Variants in DNAH17 observed in about 807,000 individuals in gnomAD.
DNAH17 encodes axonemal beta dynein heavy chain 17.
DNAH17 carries 376 observed loss-of-function variants against 485.6 expected under a neutral mutation model. The observed-to-expected ratio is 0.77, with a 90% confidence interval of 0.71 to 0.84. The LOEUF (loss-of-function observed/expected upper bound fraction) is 0.84, where lower values mean the gene tolerates loss of function less well. DNAH17 is among the 40% of genes least tolerant of loss of function. DNAH17 has a pLI of 0.00. For synonymous variants in DNAH17, 3,031 were observed against 2,405.9 expected, an observed-to-expected ratio of 1.26 and a Z score of -7.60; for missense variants, 6,370 against 5,839.3, an observed-to-expected ratio of 1.09 and a Z score of -2.96.
At position 78,549,740 on chromosome 17, in the gene DNAH17, A is replaced by G. The variant is rs993758600; in HGVS notation, c.2391+1795T>C. ...TGGGCAGTGGTCAAGCTGGGGCCTC[A>G]GGGGCAGCAGGAATCTCTGCAGGAT... On this transcript the variant is annotated intron_variant, in intron 16 of 80. Transcript: ENST00000389840. 5.3e-5 allele frequency among the ~76,000 whole-genome samples: 8 copies of G among 152,142 alleles called. No individual in the cohort carries two copies. The East Asian group carries it at 1.5e-3, about 29-fold the overall frequency.
chr17:78,506,224 C>T (rs1350411426), intron 30 of DNAH17, among the ~76,000 whole-genome samples: 1 of 148,836 alleles, frequency 6.7e-6, no homozygotes, highest in Non-Finnish European at 1.5e-5. Context: ...CACGGCAACC[C>T]TCTGCCTCTC....
intron 11 of DNAH17, among the ~76,000 whole-genome samples, chr17:78,565,319 G>A (rs1401561634): frequency 6.6e-6 from 1 of 152,202 alleles, no homozygotes; most frequent in Non-Finnish European, 1.5e-5. Flanking sequence ...GTATTAATTT[G>A]CATTCATTGA....
intron 16 of DNAH17, among the ~76,000 whole-genome samples, chr17:78,547,617 ATTTT>A (rs58852980): frequency 0.22 from 29,722 of 134,604 alleles, 3,502 homozygotes; most frequent in Non-Finnish European, 0.28. Flanking sequence ...GTTCATTACT[ATTTT>A]TTTTTTTTTT....
In DNAH17 at chr17:78,463,090, G is replaced by T; in HGVS notation, c.8941-13C>A. The stretch of plus-strand genomic sequence containing the variant: ...CCTTGACTTCCCACTACAAAGATGA[G>T]ACAGCCAGTCATCCCTGGGACCCCA... On this transcript the variant is annotated splice_polypyrimidine_tract_variant and intron_variant, in intron 56 of 80. Transcript: ENST00000389840. 1 of 1,611,668 alleles carries T rather than the reference G, an allele frequency of 6.2e-7. No individual in the cohort carries two copies. The highest frequency in any genetic ancestry group is 1.1e-5 in the South Asian group (1 of 90,840).
At chr17:78,475,552 G>A in intron 53 of DNAH17, 83 bp from the exon 54 acceptor site, 13 of 1,599,498 alleles carry the variant, frequency 8.1e-6, no homozygotes, top group Non-Finnish European at 1.1e-5. Context: ...CACATGCTGA[G>A]GTGTGCACTG....
Position 78,510,484 on chromosome 17 carries a change from TCTTCTGA to T in DNAH17, c.4129_4135del (p.Ser1377ArgfsTer10). 1 of 1,613,900 alleles carries T rather than the reference TCTTCTGA, an allele frequency of 6.2e-7. No homozygotes were observed. The highest frequency in any genetic ancestry group is 8.5e-7 in the Non-Finnish European group (1 of 1,179,822). On this transcript the variant is annotated frameshift_variant, in exon 27 of 81. Coordinates refer to ENST00000389840, the MANE Select transcript of DNAH17 (RefSeq NM_173628.4). LOFTEE classifies it high-confidence loss of function. ...CTGCAGTAAATCTGCCAGGGTCGTC[TCTTCTGA>T]CATTTTAAATTTCACCTAAGGGAAA...
intron 54 of DNAH17, among the ~76,000 whole-genome samples, chr17:78,469,439 C>A (rs1465627046): frequency 6.6e-6 from 1 of 152,182 alleles, no homozygotes; most frequent in Admixed American, 6.5e-5. Context: ...CTGTGCCCGG[C>A]CCACAGGGAC....
At chr17:78,550,008 A>T (rs73999121) in intron 16 of DNAH17, among the ~76,000 whole-genome samples, 19,344 of 152,232 alleles carry the variant, frequency 0.13, 1,307 homozygotes, top group South Asian at 0.18. Flanking sequence ...GGCATGAAAC[A>T]AAGTGAAGAG....
At chr17:78,567,376 G>A (rs2092284902) in intron 9 of DNAH17, among the ~76,000 whole-genome samples, 1 of 152,114 alleles carries the variant, frequency 6.6e-6, no homozygotes, top group East Asian at 1.9e-4. Flanking sequence ...ATGGAAGGAA[G>A]GGCTCTGTGA....
rs1257532926 is a variant in DNAH17 at position 78,574,884 on chromosome 17, T to C, written c.174A>G (p.Ala58=). 1.2e-6 allele frequency: 2 copies of C among 1,614,024 alleles called. No homozygotes were observed. Among genetic ancestry groups the C allele is most frequent in the South Asian group, 1.1e-5 (1 of 91,090 alleles). ...DVQVLVLTLN[A]AGMIIPCLGF... ...CCAGGCAGGGTATGATCATGCCGGCTGCATTGAGCGTCAGCACCAGCACCT... is the reference window on the plus strand; with the variant it reads ...CCAGGCAGGGTATGATCATGCCGGCCGCATTGAGCGTCAGCACCAGCACCT... The change falls in exon 2 of 81, where the codon GCA becomes GCG. Residue 58 remains alanine (A), a synonymous_variant. Coordinates refer to ENST00000389840, the MANE Select transcript of DNAH17 (RefSeq NM_173628.4).
rs1341849621 is a variant in DNAH17, at chr17:78,565,550, TCA to T, written c.1569+1062_1569+1063del. On this transcript the variant is annotated intron_variant, in intron 11 of 80. Transcript: ENST00000389840. Reference sequence around the variant, plus strand: ...GCTGCCCAGGCCAACCCAATTGCCTTCACAGTCATGGGAGCTGGTCCGGCTAA... The same window carrying T: ...GCTGCCCAGGCCAACCCAATTGCCTTCAGTCATGGGAGCTGGTCCGGCTAA... 3.3e-5 allele frequency among the ~76,000 whole-genome samples: 5 copies of T among 152,316 alleles called. No homozygotes were observed. In the East Asian group the frequency reaches 9.6e-4, roughly 29 times the overall value.
intron 48 of DNAH17, among the ~76,000 whole-genome samples, chr17:78,481,027 C>A (rs1243144403): frequency 6.6e-6 from 1 of 151,806 alleles, no homozygotes; most frequent in Non-Finnish European, 1.5e-5. Context: ...GATCTCCTAA[C>A]CTCGTGATGC....
chr17:78,575,514 T>C (rs2092421334), intron 1 of DNAH17, among the ~76,000 whole-genome samples: 3 of 152,246 alleles, frequency 2.0e-5, no homozygotes, highest in Admixed American at 2.0e-4. Context: ...CCCCAGAGTA[T>C]GTGTGAAACG....
intron 16 of DNAH17, among the ~76,000 whole-genome samples, chr17:78,549,264 G>A (rs1254924083): frequency 6.6e-6 from 1 of 151,800 alleles, no homozygotes; most frequent in Non-Finnish European, 1.5e-5. Flanking sequence ...TTTAAGCAGA[G>A]AAAGAGACAC....
chr17:78,431,077 C>A (rs951656526), intron 75 of DNAH17, among the ~76,000 whole-genome samples: 1 of 152,058 alleles, frequency 6.6e-6, no homozygotes, highest in Non-Finnish European at 1.5e-5. Flanking sequence ...CAGGGTCTTG[C>A]TGTGTTGGCC....
At position 78,502,636 on chromosome 17, in the gene DNAH17, C is replaced by A. The variant is rs1355611528; in HGVS notation, c.5145G>T (p.Leu1715=). The A allele has an allele frequency of 6.2e-7, 1 of 1,613,160 alleles. No individual in the cohort carries two copies. The highest frequency in any genetic ancestry group is 8.5e-7 in the Non-Finnish European group (1 of 1,179,874). Residue 1715 remains leucine (L), a synonymous_variant, in exon 33 of 81, where the codon CTG becomes CTT. Transcript: ENST00000389840. The part of the protein sequence containing the change: ...TTEVGLAFAR[L]EEGYENAIRD... The stretch of plus-strand genomic sequence containing the variant: ...TGATAGCGTTTTCATAGCCTTCCTC[C>A]AGCCTGGCAAATGCCAGGCCCACCT...
At position 78,424,155 on chromosome 17, in the gene DNAH17, T is replaced by TG. The variant is rs1475813690; in HGVS notation, c.13142-3dup. Reference sequence around the variant, plus strand: ...CAGTCTGGGTGTCCCAGCGAGCCCCTGCAGGGACAGTATGGCTGAGGGTCA... The same window carrying TG: ...CAGTCTGGGTGTCCCAGCGAGCCCCTGGCAGGGACAGTATGGCTGAGGGTCA... On this transcript the variant is annotated splice_polypyrimidine_tract_variant and splice_region_variant and intron_variant, in intron 80 of 80. Coordinates refer to ENST00000389840, the MANE Select transcript of DNAH17 (RefSeq NM_173628.4). 4 of 1,608,362 alleles carry TG rather than the reference T, an allele frequency of 2.5e-6. No homozygotes were observed. The highest frequency in any genetic ancestry group is 1.7e-4 in the Middle Eastern group (1 of 6,050).
At chr17:78,567,952 T>C (rs1230608396) in intron 9 of DNAH17, among the ~76,000 whole-genome samples, 1 of 152,158 alleles carries the variant, frequency 6.6e-6, no homozygotes, top group Non-Finnish European at 1.5e-5. Flanking sequence ...TCCTGTGGAC[T>C]TGACATCACT....
At chr17:78,454,245 C>G (rs2087686658) in intron 64 of DNAH17, among the ~76,000 whole-genome samples, 1 of 152,214 alleles carries the variant, frequency 6.6e-6, no homozygotes, top group African/African-American at 2.4e-5. Flanking sequence ...GCCTCCGTCT[C>G]ACTCTCCTTT....
Sources: gnomAD v4.1 joint callset for allele counts (sites outside exome capture counted in the v4.1 genomes callset) on GRCh38, gnomAD v4.1.1 for gene constraint, MANE v1.5 for transcripts, NCBI Gene and HGNC (gene_info 2026-07-23, HGNC 2026-07-21) for gene names.